Variants in PARD3 observed in about 807,000 individuals in gnomAD.
PARD3 encodes partitioning defective 3 homolog.
Under a neutral mutation model 155.4 loss-of-function variants are expected in PARD3, and 75 were observed. That is an observed-to-expected ratio of 0.48 (90% CI 0.40 to 0.58). The LOEUF (loss-of-function observed/expected upper bound fraction) is 0.58. PARD3 is among the 20% of genes least tolerant of loss of function. PARD3 has a pLI of 0.00. For synonymous variants in PARD3, 576 were observed against 610.5 expected (o/e 0.94, Z 0.83); for missense variants, 1,642 against 1,721.7 (o/e 0.95, Z 0.82).
chr10:34,332,371 T>A (rs1345875524), intron 18 of PARD3, among the ~76,000 whole-genome samples: 1 of 152,070 alleles, frequency 6.6e-6, no homozygotes, highest in Non-Finnish European at 1.5e-5. Flanking sequence ...ACCTGGGCAA[T>A]CCAGGTTATA....
At chr10:34,236,892 G>A (rs531542387) in intron 22 of PARD3, among the ~76,000 whole-genome samples, 1 of 152,194 alleles carries the variant, frequency 6.6e-6, no homozygotes, top group South Asian at 2.1e-4. Flanking sequence ...GGGAAACTAA[G>A]AATAATTTAG....
At chr10:34,804,362 AT>A (rs919095016) in intron 1 of PARD3, among the ~76,000 whole-genome samples, 5 of 152,014 alleles carry the variant, frequency 3.3e-5, no homozygotes, top group African/African-American at 9.7e-5. Context: ...TGTCTAGAAG[AT>A]TTTTTTTCCA....
rs1487984372 is a variant in PARD3 at position 34,237,731 on chromosome 10, T to C, written c.3419+31926A>G. On this transcript the variant is annotated intron_variant, in intron 22 of 24. Transcript: ENST00000374788. Reference sequence around the variant, plus strand: ...ATATATATTATAACCCCACATTACATTGTTAAAATAATAAAGCTCAAAGTA... The same window carrying C: ...ATATATATTATAACCCCACATTACACTGTTAAAATAATAAAGCTCAAAGTA... Among the ~76,000 whole-genome samples the C allele has an allele frequency of 5.9e-5, 9 of 152,200 alleles. No individual in the cohort carries two copies. The East Asian group carries it at 7.7e-4, about 13-fold the overall frequency.
chr10:34,129,220 T>G (rs1947458872), intron 23 of PARD3, among the ~76,000 whole-genome samples: 1 of 152,212 alleles, frequency 6.6e-6, no homozygotes, highest in Non-Finnish European at 1.5e-5. Context: ...TGGTGCAATC[T>G]TGGCTCACTG....
intron 2 of PARD3, among the ~76,000 whole-genome samples, chr10:34,667,164 G>A (rs1052290773): frequency 1.2e-4 from 19 of 152,112 alleles, no homozygotes; most frequent in African/African-American, 4.3e-4. Context: ...AACAGGTAGT[G>A]TATAACAAGA....
chr10:34,229,712 C>T (rs576527510), intron 22 of PARD3, among the ~76,000 whole-genome samples: 6 of 151,924 alleles, frequency 3.9e-5, no homozygotes, highest in Non-Finnish European at 7.4e-5. Flanking sequence ...AACTCCAGGT[C>T]ACAAACTCTG....
chr10:34,371,550 A>G (rs1840666591), intron 12 of PARD3, among the ~76,000 whole-genome samples: 1 of 145,150 alleles, frequency 6.9e-6, no homozygotes, highest in African/African-American at 2.5e-5. Context: ...GGAATATTTG[A>G]AAAATAACAT....
intron 2 of PARD3, among the ~76,000 whole-genome samples, chr10:34,681,409 G>C (rs527506807): frequency 6.6e-6 from 1 of 152,068 alleles, no homozygotes; most frequent in African/African-American, 2.4e-5. Flanking sequence ...TGGGGAGGGA[G>C]AGAAAGTTAG....
chr10:34,450,576 A>G (rs1787857604), intron 4 of PARD3, 128 bp from the exon 5 acceptor site: 1 of 855,950 alleles, frequency 1.2e-6, no homozygotes, highest in African/African-American at 1.7e-5. Context: ...AATCCTATAC[A>G]AAATAGCTGA....
intron 14 of PARD3, among the ~76,000 whole-genome samples, chr10:34,352,362 C>T (rs113036511): frequency 2.6e-5 from 4 of 152,318 alleles, no homozygotes; most frequent in Admixed American, 6.5e-5. Context: ...TCTCCCCTCT[C>T]CCTCCACTTT....
At chr10:34,783,929 C>G (rs1308396986) in intron 1 of PARD3, among the ~76,000 whole-genome samples, 1 of 152,102 alleles carries the variant, frequency 6.6e-6, no homozygotes, top group Non-Finnish European at 1.5e-5. Flanking sequence ...GTATTCTAGG[C>G]CAGGTACAGT....
chr10:34,751,414 G>T (rs1031276349), intron 1 of PARD3, among the ~76,000 whole-genome samples: 1 of 152,142 alleles, frequency 6.6e-6, no homozygotes, highest in Non-Finnish European at 1.5e-5. Flanking sequence ...TTCTGGGAAG[G>T]CCTCTAAGAT....
At chr10:34,179,163 T>TGC (rs72150094) in intron 22 of PARD3, among the ~76,000 whole-genome samples, 90 of 131,178 alleles carry the variant, frequency 6.9e-4, no homozygotes, top group Middle Eastern at 8.4e-3. Context: ...CGCATGTGCG[T>TGC]GCGCGCACAC....
At chr10:34,224,303 A>G (rs1315180221) in intron 22 of PARD3, among the ~76,000 whole-genome samples, 1 of 152,224 alleles carries the variant, frequency 6.6e-6, no homozygotes, top group African/African-American at 2.4e-5. Flanking sequence ...ACTGGCAAAA[A>G]TCTCACAAGA....
intron 2 of PARD3, among the ~76,000 whole-genome samples, chr10:34,619,624 C>T (rs2091499147): frequency 6.6e-6 from 1 of 152,186 alleles, no homozygotes; most frequent in Admixed American, 6.5e-5. Flanking sequence ...GTTTCTCACA[C>T]TGCTGAATCT....
At chr10:34,286,664 A>G (rs1330764374) in intron 20 of PARD3, among the ~76,000 whole-genome samples, 1 of 152,222 alleles carries the variant, frequency 6.6e-6, no homozygotes, top group Admixed American at 6.5e-5. Context: ...GAAATGAAGA[A>G]GAGCAGCATC....
chr10:34,343,536 G>GTA, intron 15 of PARD3: 7 of 985,200 alleles, frequency 7.1e-6, no homozygotes, highest in Non-Finnish European at 7.2e-6. Flanking sequence ...TGAAAGGCTA[G>GTA]TATTTCCACA....
intron 20 of PARD3, among the ~76,000 whole-genome samples, chr10:34,306,047 A>C (rs908766558): frequency 1.3e-5 from 2 of 152,068 alleles, no homozygotes; most frequent in Non-Finnish European, 2.9e-5. Context: ...TAATCCCAGC[A>C]CTTTGAGAGG....
intron 21 of PARD3, among the ~76,000 whole-genome samples, chr10:34,271,204 G>T (rs1364862814): frequency 3.3e-5 from 5 of 151,704 alleles, no homozygotes; most frequent in Non-Finnish European, 5.9e-5. Context: ...ATTCAGAAAA[G>T]ATACCAAAAT....
Sources: gnomAD v4.1 joint callset for allele counts (sites outside exome capture counted in the v4.1 genomes callset) on GRCh38, gnomAD v4.1.1 for gene constraint, MANE v1.5 for transcripts, NCBI Gene and HGNC (gene_info 2026-07-23, HGNC 2026-07-21) for gene names.